The following TMEM9 variants were observed in gnomAD, a reference collection of about 807,000 sequenced individuals.
TMEM9 encodes the protein proton-transporting V-type ATPase complex assembly regulator TMEM9.
A neutral mutation model predicts 22.8 loss-of-function variants in TMEM9; 13 were observed. That is an observed-to-expected ratio of 0.57 (90% confidence interval 0.37 to 0.91). TMEM9 has a LOEUF of 0.91. Ranked by LOEUF, TMEM9 falls within the 40% of genes least tolerant of loss-of-function variation. The probability of loss-of-function intolerance (pLI) is 0.01; values close to 1 mark genes in which losing one functional copy is unlikely to be tolerated. For missense variants in TMEM9, 182 were observed against 238.1 expected (o/e 0.76, Z 1.55); for synonymous variants, 88 against 93.0 (o/e 0.95, Z 0.31).
intron 1 of TMEM9, among the ~76,000 whole-genome samples, chr1:201,160,208 A>G (rs1379335681): frequency 2.0e-5 from 3 of 152,234 alleles, no homozygotes; most frequent in Non-Finnish European, 2.9e-5. Context: ...GCACTAGTCC[A>G]TTGGGCCTCA....
rs957724414 is a variant in TMEM9 at position 201,154,196 on chromosome 1, C to T, written c.-273G>A. The T allele has an allele frequency of 7.4e-6, 3 of 408,128 alleles. No individual in the cohort carries two copies. The highest frequency in any genetic ancestry group is 6.3e-5 in the African/African-American group (3 of 47,548). The allele number at this position is 408,128 out of a possible 1,614,324, so 25.3% of individuals were successfully genotyped here. A position where few individuals can be genotyped will look rare whatever the true frequency, so the allele number is the denominator to read the frequency against. On this transcript the variant is annotated 5_prime_UTR_variant, in exon 1 of 5. Transcript: ENST00000367330. ...CTCGAGGGGACACCGCTGCCAGGGGCCTCCAGTTCCTTCTCAAGGCCCGGC... is the reference window on the plus strand; with the variant it reads ...CTCGAGGGGACACCGCTGCCAGGGGTCTCCAGTTCCTTCTCAAGGCCCGGC...
In TMEM9 at chr1:201,154,005, C is replaced by T. The variant is rs1665646911; in HGVS notation, c.-82G>A. Reference sequence around the variant, plus strand: ...TCGGAGAAGGGGAAGGTGGCCACACCGCAGCCAGCACGCTAGGCCCTTAAC... The same window carrying T: ...TCGGAGAAGGGGAAGGTGGCCACACTGCAGCCAGCACGCTAGGCCCTTAAC... On this transcript the variant is annotated 5_prime_UTR_variant, in exon 1 of 5. Coordinates refer to ENST00000367330, the MANE Select transcript of TMEM9 (RefSeq NM_001288565.2). 1 of 1,504,538 alleles carries T rather than the reference C, an allele frequency of 6.6e-7. No individual in the cohort carries two copies. The highest frequency in any genetic ancestry group is 2.0e-5 in the Admixed American group (1 of 49,540). 93.2% of individuals were successfully genotyped at this position (1,504,538 alleles called of 1,614,324 possible).
chr1:201,163,406 A>G (rs1401415519), intron 1 of TMEM9, among the ~76,000 whole-genome samples: 1 of 152,148 alleles, frequency 6.6e-6, no homozygotes, highest in Non-Finnish European at 1.5e-5. Flanking sequence ...CCTGGTCAAC[A>G]TGGCAAAACC....
At chr1:201,150,936 C>T (rs566095761) in intron 2 of TMEM9, among the ~76,000 whole-genome samples, 52 of 152,280 alleles carry the variant, frequency 3.4e-4, no homozygotes, top group Non-Finnish European at 6.3e-4. Flanking sequence ...CCTCCAAGAA[C>T]GGAGCTTCCT....
rs1231441892 is a variant in TMEM9, at chr1:201,146,977, G to C, written c.159-129C>G. On this transcript the variant is annotated intron_variant, in intron 2 of 4. Transcript: ENST00000367330. Reference sequence around the variant, plus strand: ...CAAAGGTGAAGGGTGCTCCCAGAGAGGGCCAAGGGCTTATAAAGGATTAGG... The same window carrying C: ...CAAAGGTGAAGGGTGCTCCCAGAGACGGCCAAGGGCTTATAAAGGATTAGG... The C allele has an allele frequency of 5.4e-5, 40 of 743,838 alleles. No individual in the cohort carries two copies. The East Asian group carries it at 1.0e-3, about 19-fold the overall frequency. 46.1% of individuals were successfully genotyped at this position (743,838 alleles called of 1,614,324 possible). A position where few individuals can be genotyped will look rare whatever the true frequency, so the allele number is the denominator to read the frequency against.
chr1:201,143,996 G>A (rs1220785271), intron 3 of TMEM9, 45 bp from the exon 4 acceptor site: 4 of 1,606,734 alleles, frequency 2.5e-6, no homozygotes, highest in Non-Finnish European at 3.4e-6. Flanking sequence ...TCTGAGGCCA[G>A]GGCTAGAAAT....
rs568495210 is a variant in TMEM9, at chr1:201,136,205, G to A, written c.400-390C>T. Reference sequence around the variant, plus strand: ...TCCACTATTTCTAACTCTCAAGAAGGATGCTAAGTATAGGCTTCAAGACCT... The same window carrying A: ...TCCACTATTTCTAACTCTCAAGAAGAATGCTAAGTATAGGCTTCAAGACCT... On this transcript the variant is annotated intron_variant, in intron 4 of 4. Transcript: ENST00000367330. Among the ~76,000 whole-genome samples, 611 of 152,280 alleles carry A rather than the reference G, an allele frequency of 4.0e-3. 8 individuals are homozygous for A. The highest frequency in any genetic ancestry group is 0.014 in the African/African-American group (584 of 41,562).
At chr1:201,142,551 T>C (rs1664620210) in intron 4 of TMEM9, among the ~76,000 whole-genome samples, 1 of 152,250 alleles carries the variant, frequency 6.6e-6, no homozygotes, top group South Asian at 2.1e-4. Flanking sequence ...GCGTCTCCTT[T>C]AGTTGTTTTT....
intron 2 of TMEM9, among the ~76,000 whole-genome samples, chr1:201,150,174 C>A (rs1232900072): frequency 2.0e-5 from 3 of 152,200 alleles, no homozygotes; most frequent in Admixed American, 2.0e-4. Flanking sequence ...GCCTTGTTAT[C>A]TGGTGAAGGG....
At chr1:201,136,759 G>A (rs1664027523) in intron 4 of TMEM9, among the ~76,000 whole-genome samples, 1 of 152,178 alleles carries the variant, frequency 6.6e-6, no homozygotes, top group South Asian at 2.1e-4. Context: ...AGAGCTGAGG[G>A]CCAGGCCCAC....
chr1:201,159,878 A>G (rs1024888346), intron 1 of TMEM9, among the ~76,000 whole-genome samples: 1 of 152,212 alleles, frequency 6.6e-6, no homozygotes, highest in Non-Finnish European at 1.5e-5. Context: ...AGTTTATGTC[A>G]GGCATTCTAC....
At chr1:201,139,426 C>T (rs536206054) in intron 4 of TMEM9, among the ~76,000 whole-genome samples, 1 of 152,358 alleles carries the variant, frequency 6.6e-6, no homozygotes, top group South Asian at 2.1e-4. Context: ...GAGGCTCTCC[C>T]TGACCCCTGC....
chr1:201,160,891 A>C lies in TMEM9; in HGVS notation c.-36-6932T>G, dbSNP rs528152718. ...GCGGAGCTTGCAGTGAGCCGAGATC[A>C]TGCCACTGCACTCCAGCCTGGGGGA... On this transcript the variant is annotated intron_variant, in intron 1 of 5. Transcript: ENST00000367333. Among the ~76,000 whole-genome samples, 3 of 151,414 alleles carry C rather than the reference A, an allele frequency of 2.0e-5. No individual in the cohort carries two copies. The South Asian group carries it at 6.3e-4, about 32-fold the overall frequency.
At chr1:201,142,937 A>T (rs1201300947) in intron 4 of TMEM9, among the ~76,000 whole-genome samples, 5 of 152,248 alleles carry the variant, frequency 3.3e-5, no homozygotes, top group Non-Finnish European at 7.3e-5. Flanking sequence ...TCTGCTCAGC[A>T]TGGAGGTACA....
intron 1 of TMEM9, among the ~76,000 whole-genome samples, chr1:201,163,987 A>G (rs1264930019): frequency 6.6e-6 from 1 of 152,232 alleles, no homozygotes; most frequent in Non-Finnish European, 1.5e-5. Flanking sequence ...CAGATGTCCT[A>G]TTATGGGTGA....
intron 4 of TMEM9, among the ~76,000 whole-genome samples, chr1:201,141,576 T>C (rs185408567): frequency 6.6e-6 from 1 of 152,186 alleles, no homozygotes; most frequent in East Asian, 1.9e-4. Flanking sequence ...TTTTATGAGC[T>C]TTTAGAACCT....
At chr1:201,157,170 G>A (rs1009359032), upstream of TMEM9, among the ~76,000 whole-genome samples, 1 of 152,204 alleles carries the variant, frequency 6.6e-6, no homozygotes, top group East Asian at 1.9e-4. Context: ...AGCTAGTGGG[G>A]AGGCAGTATC....
At chr1:201,151,065 T>A (rs1665388092) in intron 2 of TMEM9, among the ~76,000 whole-genome samples, 5 of 152,088 alleles carry the variant, frequency 3.3e-5, no homozygotes, top group Admixed American at 3.3e-4. Flanking sequence ...ACATAACTGA[T>A]CCACACCAGT....
chr1:201,153,755 G>C (rs1255848719), intron 1 of TMEM9, 103 bp downstream of exon 1: 8 of 1,573,896 alleles, frequency 5.1e-6, no homozygotes, highest in South Asian at 2.3e-5. Flanking sequence ...AGGTGAGTGA[G>C]AGGCAGGCTT....
Sources: gnomAD v4.1 joint callset for allele counts (sites outside exome capture counted in the v4.1 genomes callset) on GRCh38, gnomAD v4.1.1 for gene constraint, MANE v1.5 for transcripts, NCBI Gene and HGNC (gene_info 2026-07-23, HGNC 2026-07-21) for gene names.